The following TENM2 variants were observed in gnomAD, a reference collection of about 807,000 sequenced individuals.
TENM2 encodes teneurin transmembrane protein 2.
Under a neutral mutation model 245.2 loss-of-function variants are expected in TENM2, and 52 were observed. The ratio of observed to expected loss-of-function variants is 0.21; its 90% CI spans 0.17 to 0.27. TENM2 has a LOEUF of 0.27. TENM2 is among the 10% of genes least tolerant of loss of function. TENM2 has a pLI of 1.00. For synonymous variants in TENM2, 1,363 were observed against 1,438.9 expected (o/e 0.95, Z 1.19); for missense variants, 3,046 against 3,666.8 (o/e 0.83, Z 4.37).
intron 2 of TENM2, among the ~76,000 whole-genome samples, chr5:167,674,744 A>G (rs1756200791): frequency 6.6e-6 from 1 of 152,214 alleles, no homozygotes; most frequent in East Asian, 1.9e-4. Flanking sequence ...ATCGTGCAAG[A>G]GTAACTGTAC....
At chr5:167,138,981 A>AT in the TENM2 span, among the ~76,000 whole-genome samples, 1 of 152,122 alleles carries the variant, frequency 6.6e-6, no homozygotes, top group Admixed American at 6.6e-5. Flanking sequence ...TGTGTGACTG[A>AT]TTGTGTTTTG....
At chr5:168,106,383 T>A (rs1794244954) in intron 9 of TENM2, among the ~76,000 whole-genome samples, 1 of 152,168 alleles carries the variant, frequency 6.6e-6, no homozygotes, top group Non-Finnish European at 1.5e-5. Context: ...TGGCATTTAT[T>A]GAGTTCTTAC....
rs143937425 is a variant in TENM2 at position 167,546,907 on chromosome 5, C to T, written c.502+171434C>T. 6.8e-4 allele frequency among the ~76,000 whole-genome samples: 103 copies of T among 152,266 alleles called. 1 individual carries two copies. Among genetic ancestry groups the T allele is most frequent in the African/African-American group, 2.3e-3 (97 of 41,556 alleles). On this transcript the variant is annotated intron_variant, in intron 2 of 28. Transcript: ENST00000518659. ...ACACCTCAATCATTATGCTGGCCTCCTCTCCTGGGCACTCTCAGTATACAG... is the reference window on the plus strand; with the variant it reads ...ACACCTCAATCATTATGCTGGCCTCTTCTCCTGGGCACTCTCAGTATACAG...
chr5:167,797,957 A>C (rs1209924180), intron 2 of TENM2, among the ~76,000 whole-genome samples: 1 of 152,248 alleles, frequency 6.6e-6, no homozygotes, highest in East Asian at 1.9e-4. Context: ...CATCCTGACC[A>C]ATGGGTGGTT....
chr5:167,105,782 G>GGAGGCTGA, the TENM2 span, among the ~76,000 whole-genome samples: 1 of 147,276 alleles, frequency 6.8e-6, no homozygotes, highest in Non-Finnish European at 1.5e-5. Flanking sequence ...CAGCTACTTG[G>GGAGGCTGA]GAGGCTGAGG....
At chr5:167,854,980 A>G (rs1452103803) in intron 2 of TENM2, among the ~76,000 whole-genome samples, 2 of 152,186 alleles carry the variant, frequency 1.3e-5, no homozygotes, top group African/African-American at 4.8e-5. Flanking sequence ...TTCTTAACAC[A>G]ATAACAAAAG....
the TENM2 span, among the ~76,000 whole-genome samples, chr5:166,995,830 A>G: frequency 6.6e-6 from 1 of 150,630 alleles, no homozygotes. Context: ...AAAAAAAAAA[A>G]AAAAAAAAAA....
At chr5:167,533,326 A>C (rs945323826) in intron 2 of TENM2, among the ~76,000 whole-genome samples, 1 of 152,186 alleles carries the variant, frequency 6.6e-6, no homozygotes, top group African/African-American at 2.4e-5. Context: ...CCATGTTCAT[A>C]GTGGTTTTGG....
intron 2 of TENM2, among the ~76,000 whole-genome samples, chr5:167,424,667 C>A (rs770914423): frequency 6.6e-6 from 1 of 151,982 alleles, no homozygotes; most frequent in Non-Finnish European, 1.5e-5. Flanking sequence ...ATATTCCCCC[C>A]AGAAATGTAA....
intron 5 of TENM2, among the ~76,000 whole-genome samples, chr5:167,993,592 G>T (rs190125011): frequency 6.6e-6 from 1 of 152,204 alleles, no homozygotes; most frequent in Non-Finnish European, 1.5e-5. Context: ...GAAGAATAGT[G>T]GTTGGCATGT....
the TENM2 span, among the ~76,000 whole-genome samples, chr5:167,145,463 C>G: frequency 6.6e-6 from 1 of 152,144 alleles, no homozygotes; most frequent in African/African-American, 2.4e-5. Flanking sequence ...ACCCAACCTT[C>G]GAGAAGTAAA....
intron 1 of TENM2, among the ~76,000 whole-genome samples, chr5:167,341,563 C>G (rs1239731752): frequency 1.3e-5 from 2 of 151,812 alleles, no homozygotes; most frequent in East Asian, 3.9e-4. Context: ...ATAATTCATA[C>G]AGAGGTAGGG....
chr5:167,167,230 C>T, the TENM2 span, among the ~76,000 whole-genome samples: 1 of 152,154 alleles, frequency 6.6e-6, no homozygotes, highest in African/African-American at 2.4e-5. Context: ...CTTCAATTGT[C>T]TAGGAGACTA....
At chr5:167,058,854 T>G in the TENM2 span, among the ~76,000 whole-genome samples, 3 of 152,178 alleles carry the variant, frequency 2.0e-5, no homozygotes, top group Non-Finnish European at 4.4e-5. Flanking sequence ...ATCTATATAA[T>G]CTTCAGTTCT....
chr5:168,089,116 C>T (rs1273241957), intron 7 of TENM2, among the ~76,000 whole-genome samples: 1 of 152,152 alleles, frequency 6.6e-6, no homozygotes, highest in Non-Finnish European at 1.5e-5. Context: ...TATCGATTTT[C>T]TTGTCAACAA....
At chr5:168,198,088 G>A (rs1485167222) in intron 15 of TENM2, among the ~76,000 whole-genome samples, 3 of 152,014 alleles carry the variant, frequency 2.0e-5, no homozygotes, top group African/African-American at 7.2e-5. Context: ...GGCTTTGCTG[G>A]CCATGTGGCT....
chr5:167,725,641 A>G (rs992646274), intron 2 of TENM2, among the ~76,000 whole-genome samples: 1 of 152,066 alleles, frequency 6.6e-6, no homozygotes, highest in African/African-American at 2.4e-5. Flanking sequence ...TTTAAATGCA[A>G]ATTGGATCCT....
intron 5 of TENM2, among the ~76,000 whole-genome samples, chr5:168,028,008 G>A (rs925772846): frequency 3.3e-5 from 5 of 152,154 alleles, no homozygotes; most frequent in Admixed American, 6.5e-5. Context: ...GAGGATTTAC[G>A]AGAATCAACA....
intron 28 of TENM2, 35 bp downstream of exon 30, chr5:168,260,448 T>C (rs774515489): frequency 4.2e-5 from 67 of 1,610,160 alleles, no homozygotes; most frequent in Non-Finnish European, 5.5e-5. Context: ...TCCAAATGAT[T>C]GTCATCATTC....
Sources: allele counts gnomAD v4.1 joint callset (sites outside exome capture counted in the v4.1 genomes callset), GRCh38; gene constraint gnomAD v4.1.1; transcripts MANE v1.5; gene names NCBI Gene and HGNC (gene_info 2026-07-23, HGNC 2026-07-21).